Variants in POU6F2 observed in about 807,000 individuals in gnomAD.
The protein encoded by POU6F2 is POU domain, class 6, transcription factor 2.
In POU6F2, 31 loss-of-function variants were observed where a neutral mutation model predicts 71.3. The ratio of observed to expected loss-of-function variants is 0.43; its 90% CI spans 0.33 to 0.59. POU6F2 has a LOEUF of 0.59. Ranked by LOEUF, POU6F2 falls within the 20% of genes least tolerant of loss-of-function variation. POU6F2 has a pLI of 0.04. For missense variants in POU6F2, 783 were observed against 856.8 expected, an observed-to-expected ratio of 0.91 and a Z score of 1.07; for synonymous variants, 347 against 355.7, an observed-to-expected ratio of 0.98 and a Z score of 0.27.
intron 4 of POU6F2, among the ~76,000 whole-genome samples, chr7:39,225,830 G>A (rs7789925): frequency 0.32 from 49,111 of 151,982 alleles, 8,642 homozygotes; most frequent in East Asian, 0.68. Context: ...TGCCATATTC[G>A]TTAATTTTGT....
intron 4 of POU6F2, among the ~76,000 whole-genome samples, chr7:39,283,627 C>T (rs532462313): frequency 6.6e-6 from 1 of 152,236 alleles, no homozygotes; most frequent in South Asian, 2.1e-4. Flanking sequence ...AATAATATTC[C>T]ATTGTATGTA....
At chr7:39,315,873 G>A (rs1785257002) in intron 4 of POU6F2, among the ~76,000 whole-genome samples, 1 of 152,172 alleles carries the variant, frequency 6.6e-6, no homozygotes, top group Non-Finnish European at 1.5e-5. Flanking sequence ...TAATTATATA[G>A]ACAAAAGATC....
intron 1 of POU6F2, among the ~76,000 whole-genome samples, chr7:38,992,534 G>A (rs1014689428): frequency 3.9e-5 from 6 of 152,160 alleles, no homozygotes; most frequent in African/African-American, 9.6e-5. Flanking sequence ...AAGACAAAGG[G>A]GAGTGGAGAA....
chr7:39,031,190 C>T (rs542218809), intron 1 of POU6F2, among the ~76,000 whole-genome samples: 3 of 151,948 alleles, frequency 2.0e-5, no homozygotes, highest in South Asian at 2.1e-4. Context: ...TGAGCCACCG[C>T]GCCTGGCCAA....
chr7:39,454,661 T>G (rs1377859563), intron 8 of POU6F2, among the ~76,000 whole-genome samples: 6 of 100 alleles, frequency 0.06, no homozygotes, highest in African/African-American at 0.1. Context: ...CAGGGATATA[T>G]ATATATATAT....
chr7:39,241,095 C>G (rs1040005874), intron 4 of POU6F2, among the ~76,000 whole-genome samples: 1 of 152,138 alleles, frequency 6.6e-6, no homozygotes, highest in African/African-American at 2.4e-5. Flanking sequence ...AAGACTTCAG[C>G]AGACTTCTCA....
At chr7:39,075,146 C>T (rs927016093) in intron 1 of POU6F2, among the ~76,000 whole-genome samples, 1 of 152,114 alleles carries the variant, frequency 6.6e-6, no homozygotes, top group East Asian at 1.9e-4. Context: ...TGGAGCTAGA[C>T]CAGGAAGCAC....
chr7:39,316,453 A>G (rs140151085), intron 4 of POU6F2, among the ~76,000 whole-genome samples: 241 of 152,298 alleles, frequency 1.6e-3, no homozygotes, highest in Non-Finnish European at 2.7e-3. Context: ...GCTGAGAAAT[A>G]TCCTAGGAAC....
At chr7:39,132,966 C>T (rs1254620121) in intron 2 of POU6F2, among the ~76,000 whole-genome samples, 1 of 152,134 alleles carries the variant, frequency 6.6e-6, no homozygotes, top group Non-Finnish European at 1.5e-5. Context: ...AGAACATCTC[C>T]TTGATGGTGT....
At position 39,467,807 on chromosome 7, in the gene POU6F2, C is replaced by G. The variant is rs772405743; in HGVS notation, c.*3121C>G. On this transcript the variant is annotated 3_prime_UTR_variant, in exon 10 of 10. Transcript: ENST00000518318. ...ACAAGTAGAGGTGTATCAAAGAACT[C>G]AAGCTATAACCAAAAAGAAATCGTA... is the stretch of plus-strand genomic sequence containing the variant. The G allele has an allele frequency of 1.3e-5, 2 of 152,196 alleles. No homozygotes were observed. The highest frequency in any genetic ancestry group is 2.9e-5 in the Non-Finnish European group (2 of 68,046). 9.4% of individuals were successfully genotyped at this position (152,196 alleles called of 1,614,324 possible).
chr7:39,264,381 G>A (rs965026337), intron 4 of POU6F2, among the ~76,000 whole-genome samples: 1 of 152,218 alleles, frequency 6.6e-6, no homozygotes, highest in Non-Finnish European at 1.5e-5. Context: ...CTGAGTTATG[G>A]CCTGGTTAGA....
chr7:39,347,032 T>C (rs973838413), intron 5 of POU6F2, among the ~76,000 whole-genome samples: 21 of 152,208 alleles, frequency 1.4e-4, no homozygotes, highest in Non-Finnish European at 7.3e-5. Flanking sequence ...GTTTGAATGC[T>C]CGCTGTGCTG....
intron 2 of POU6F2, among the ~76,000 whole-genome samples, chr7:39,151,533 A>G (rs907807207): frequency 1.4e-4 from 22 of 152,230 alleles, no homozygotes; most frequent in African/African-American, 5.3e-4. Context: ...TGAGCTTCAC[A>G]TAGTTTGTCG....
chr7:39,261,277 C>T (rs1032737118), intron 4 of POU6F2, among the ~76,000 whole-genome samples: 4 of 152,230 alleles, frequency 2.6e-5, no homozygotes, highest in Non-Finnish European at 5.9e-5. Context: ...AGCTCTTCTT[C>T]CGACACCCAG....
chr7:39,418,980 T>G (rs914225868), intron 6 of POU6F2, among the ~76,000 whole-genome samples: 2 of 136,282 alleles, frequency 1.5e-5, no homozygotes, highest in Non-Finnish European at 3.1e-5. Flanking sequence ...TATATGTATA[T>G]ATATGTGTAT....
chr7:39,362,614 A>C (rs1361897991), intron 5 of POU6F2, among the ~76,000 whole-genome samples: 1 of 152,208 alleles, frequency 6.6e-6, no homozygotes, highest in African/African-American at 2.4e-5. Flanking sequence ...AAGCACTTAC[A>C]GATGCCAAGC....
At chr7:39,222,463 A>G (rs1794387591) in intron 4 of POU6F2, among the ~76,000 whole-genome samples, 1 of 152,166 alleles carries the variant, frequency 6.6e-6, no homozygotes, top group African/African-American at 2.4e-5. Flanking sequence ...TGTGGCACCA[A>G]GTACATTTAC....
intron 4 of POU6F2, among the ~76,000 whole-genome samples, chr7:39,253,165 C>T (rs1783960214): frequency 6.6e-6 from 1 of 152,214 alleles, no homozygotes; most frequent in Non-Finnish European, 1.5e-5. Context: ...AGCTGCTGCT[C>T]TGTGGTGTTG....
At chr7:39,296,584 C>T (rs867072730) in intron 4 of POU6F2, among the ~76,000 whole-genome samples, 1 of 152,188 alleles carries the variant, frequency 6.6e-6, no homozygotes, top group Non-Finnish European at 1.5e-5. Context: ...CCCCAGGTCT[C>T]CTGACTCCCT....
Sources: allele counts gnomAD v4.1 joint callset (sites outside exome capture counted in the v4.1 genomes callset), GRCh38; gene constraint gnomAD v4.1.1; transcripts MANE v1.5; gene names NCBI Gene and HGNC (gene_info 2026-07-23, HGNC 2026-07-21).